The following HTR7 variants were observed in gnomAD, a reference collection of about 807,000 sequenced individuals.
The protein encoded by HTR7 is 5-HT-7.
In HTR7, 16 loss-of-function variants were observed where a neutral mutation model predicts 34.0. The ratio of observed to expected loss-of-function variants is 0.47; its 90% CI spans 0.32 to 0.71. The LOEUF is 0.71. Ranked by LOEUF, HTR7 falls within the 30% of genes least tolerant of loss-of-function variation. The pLI is 0.04. For synonymous variants in HTR7, 265 were observed against 260.2 expected, an observed-to-expected ratio of 1.02 and a Z score of -0.18; for missense variants, 504 against 625.5, an observed-to-expected ratio of 0.81 and a Z score of 2.07.
intron 1 of HTR7, among the ~76,000 whole-genome samples, chr10:90,794,685 T>G (rs1845511968): frequency 6.6e-6 from 1 of 152,086 alleles, no homozygotes; most frequent in Non-Finnish European, 1.5e-5. Flanking sequence ...TTATTATTTG[T>G]AGGGATAGGG....
At chr10:90,807,692 C>T (rs910667036) in intron 1 of HTR7, among the ~76,000 whole-genome samples, 3 of 152,216 alleles carry the variant, frequency 2.0e-5, no homozygotes, top group African/African-American at 7.2e-5. Context: ...AGCTGTATTG[C>T]TCACACAAAG....
chr10:90,783,378 G>T (rs1845336095), intron 1 of HTR7, among the ~76,000 whole-genome samples: 1 of 152,064 alleles, frequency 6.6e-6, no homozygotes, highest in Non-Finnish European at 1.5e-5. Flanking sequence ...TCCCCACTTT[G>T]TAAAAGCCCT....
chr10:90,743,923 G>A (rs1431025350), intron 2 of HTR7: 1 of 667,432 alleles, frequency 1.5e-6, no homozygotes, highest in South Asian at 1.5e-5. Context: ...TCGAGTGCCT[G>A]ATGAACTCCT....
chr10:90,807,776 G>A (rs1845727202), intron 1 of HTR7, among the ~76,000 whole-genome samples: 1 of 152,126 alleles, frequency 6.6e-6, no homozygotes, highest in African/African-American at 2.4e-5. Flanking sequence ...ACCTCCCTTG[G>A]GAGATCAATC....
chr10:90,807,732 G>A (rs193228318), intron 1 of HTR7, among the ~76,000 whole-genome samples: 2,432 of 152,194 alleles, frequency 0.016, 76 homozygotes, highest in African/African-American at 0.054. Context: ...ACACGGACGC[G>A]CATGAAATTT....
intron 1 of HTR7, among the ~76,000 whole-genome samples, chr10:90,786,260 G>A (rs574115946): frequency 2.0e-5 from 3 of 152,286 alleles, no homozygotes; most frequent in Admixed American, 6.5e-5. Flanking sequence ...AGTGGCCCAC[G>A]GCAGGCCTTG....
intron 3 of HTR7, among the ~76,000 whole-genome samples, 175 bp from the exon 4 acceptor site, chr10:90,742,703 A>C (rs1328015693): frequency 6.6e-6 from 1 of 152,188 alleles, no homozygotes; most frequent in African/African-American, 2.4e-5. Context: ...GACTCTTTTC[A>C]TAAATTTCAT....
intron 1 of HTR7, among the ~76,000 whole-genome samples, chr10:90,833,684 C>T (rs1846212207): frequency 6.6e-6 from 1 of 152,096 alleles, no homozygotes. Flanking sequence ...CACATGACTT[C>T]CTGGGGTTCC....
At chr10:90,819,963 T>A (rs1845953251) in intron 1 of HTR7, among the ~76,000 whole-genome samples, 1 of 152,234 alleles carries the variant, frequency 6.6e-6, no homozygotes. Flanking sequence ...GACAAAAAGC[T>A]ACTATAATAG....
chr10:90,744,706 C>A lies in HTR7; in HGVS notation c.1296-1016G>T, dbSNP rs538037386. Among the ~76,000 whole-genome samples the A allele has an allele frequency of 2.6e-5, 4 of 152,222 alleles. No individual in the cohort carries two copies. In the East Asian group the frequency reaches 7.7e-4, roughly 29 times the overall value. ...CAACCAAAAATCCCTCCAGAAATGG[C>A]CAAATGGCTACAGAGAGTTGGGATG... On this transcript the variant is annotated intron_variant, in intron 2 of 3. Transcript: ENST00000336152.
chr10:90,753,740 T>G (rs1012096364), intron 1 of HTR7, among the ~76,000 whole-genome samples: 4 of 151,918 alleles, frequency 2.6e-5, no homozygotes, highest in Non-Finnish European at 5.9e-5. Flanking sequence ...ATGATATATA[T>G]ATATACTGTA....
intron 1 of HTR7, among the ~76,000 whole-genome samples, chr10:90,838,683 T>G (rs1846285492): frequency 6.6e-6 from 1 of 152,210 alleles, no homozygotes; most frequent in Non-Finnish European, 1.5e-5. Context: ...GGTTTTCCTT[T>G]TGTCTCTCTC....
At chr10:90,789,679 A>G (rs1410555736) in intron 1 of HTR7, among the ~76,000 whole-genome samples, 1 of 152,160 alleles carries the variant, frequency 6.6e-6, no homozygotes, top group Non-Finnish European at 1.5e-5. Context: ...ATCAGCCACA[A>G]TCAAACAAAA....
intron 1 of HTR7, among the ~76,000 whole-genome samples, chr10:90,792,719 T>C (rs557815841): frequency 4.3e-4 from 65 of 152,180 alleles, no homozygotes; most frequent in African/African-American, 1.5e-3. Context: ...CATTTTTACA[T>C]CTAAAATGGA....
chr10:90,814,420 C>T (rs558221014), intron 1 of HTR7, among the ~76,000 whole-genome samples: 168 of 152,280 alleles, frequency 1.1e-3, no homozygotes, highest in African/African-American at 3.9e-3. Context: ...CAGAACAACA[C>T]GAGAAGCCGT....
At chr10:90,815,160 C>A (rs1043265450) in intron 1 of HTR7, among the ~76,000 whole-genome samples, 1 of 150,830 alleles carries the variant, frequency 6.6e-6, no homozygotes. Context: ...GGTGCGATCT[C>A]GGCTCACCGC....
rs528615961 is a variant in HTR7, at chr10:90,782,553, C to T, written c.540-32959G>A. On this transcript the variant is annotated intron_variant, in intron 1 of 3. Transcript: ENST00000336152. ...CAATCAAACCTGCTAGAATCATGCC[C>T]CATCACCTTTCCTATACTTCAAGGA... Among the ~76,000 whole-genome samples the T allele has an allele frequency of 2.6e-5, 4 of 152,118 alleles. No individual in the cohort carries two copies. In the South Asian group the frequency reaches 8.3e-4, roughly 32 times the overall value.
chr10:90,761,788 C>T (rs1844941490), intron 1 of HTR7, among the ~76,000 whole-genome samples: 1 of 152,142 alleles, frequency 6.6e-6, no homozygotes, highest in Admixed American at 6.6e-5. Flanking sequence ...AACATATCCC[C>T]ATTTCCCACA....
intron 1 of HTR7, among the ~76,000 whole-genome samples, chr10:90,784,840 C>T (rs1332403959): frequency 3.3e-5 from 5 of 152,196 alleles, no homozygotes; most frequent in Non-Finnish European, 7.3e-5. Context: ...AGTTCCAGAA[C>T]ATACAGTTCT....
Sources: allele counts gnomAD v4.1 joint callset (sites outside exome capture counted in the v4.1 genomes callset), GRCh38; gene constraint gnomAD v4.1.1; transcripts MANE v1.5; gene names NCBI Gene and HGNC (gene_info 2026-07-23, HGNC 2026-07-21).